The following CNTN4 variants were observed in gnomAD, a reference collection of about 807,000 sequenced individuals.
The protein encoded by CNTN4 is contactin-4.
A neutral mutation model predicts 122.5 loss-of-function variants in CNTN4; 77 were observed. That is an observed-to-expected ratio of 0.63 (90% CI 0.52 to 0.76). CNTN4 has a LOEUF of 0.76. Among genes scored for constraint, CNTN4 ranks in the 30% least tolerant of loss-of-function variants. CNTN4 has a pLI of 0.00. For missense variants in CNTN4, 1,256 were observed against 1,259.1 expected, an observed-to-expected ratio of 1.00 and a Z score of 0.04; for synonymous variants, 512 against 447.0, an observed-to-expected ratio of 1.15 and a Z score of -1.83.
intron 3 of CNTN4, among the ~76,000 whole-genome samples, chr3:2,521,453 C>T (rs2077216773): frequency 6.9e-6 from 1 of 145,862 alleles, no homozygotes; most frequent in South Asian, 2.2e-4. Flanking sequence ...TTTATAACTT[C>T]TAGATAAGGG....
intron 4 of CNTN4, among the ~76,000 whole-genome samples, chr3:2,598,046 C>T (rs564514366): frequency 8.2e-4 from 124 of 152,018 alleles, no homozygotes; most frequent in Non-Finnish European, 1.5e-3. Context: ...TTTTGTAATT[C>T]TTTTTTGCAG....
intron 2 of CNTN4, among the ~76,000 whole-genome samples, chr3:2,300,917 A>G (rs944178182): frequency 2.6e-5 from 4 of 152,102 alleles, no homozygotes; most frequent in African/African-American, 7.2e-5. Context: ...AACCTGGAAA[A>G]TAGCATGAAG....
Position 2,729,425 on chromosome 3 carries a change from T to G in CNTN4, c.56-6790T>G, listed in dbSNP as rs188331080. ...CCGGGCGTGGTGGCAGGCGCCTGTATTTCCAGCTACTCGGGAGGCTAAGCA... is the reference window on the plus strand; with the variant it reads ...CCGGGCGTGGTGGCAGGCGCCTGTAGTTCCAGCTACTCGGGAGGCTAAGCA... On this transcript the variant is annotated intron_variant, in intron 4 of 24. Coordinates refer to ENST00000418658, the MANE Select transcript of CNTN4 (RefSeq NM_175607.3). Among the ~76,000 whole-genome samples, 346 of 149,340 alleles carry G rather than the reference T, an allele frequency of 2.3e-3. 8 individuals are homozygous for G. Among genetic ancestry groups the G allele is most frequent in the African/African-American group, 8.4e-3 (332 of 39,600 alleles).
intron 8 of CNTN4, among the ~76,000 whole-genome samples, chr3:2,873,638 T>A (rs145336702): frequency 7.2e-5 from 11 of 152,324 alleles, no homozygotes; most frequent in African/African-American, 2.6e-4. Flanking sequence ...CTAATACTGC[T>A]CCATGCTACA....
At position 2,698,512 on chromosome 3, in the gene CNTN4, A is replaced by T. The variant is rs138600563; in HGVS notation, c.56-37703A>T. Among the ~76,000 whole-genome samples the T allele has an allele frequency of 9.3e-3, 1,418 of 152,234 alleles. 17 individuals carry two copies. Among genetic ancestry groups the T allele is most frequent in the African/African-American group, 0.032 (1,318 of 41,536 alleles). ...GCCTTGTACTTATTTTACAAATAGG[A>T]AGCTGTTCTCTGTGGTGATTAATTT... On this transcript the variant is annotated intron_variant, in intron 4 of 24. Transcript: ENST00000418658.
At chr3:2,358,732 C>T (rs796833101) in intron 3 of CNTN4, among the ~76,000 whole-genome samples, 17 of 152,160 alleles carry the variant, frequency 1.1e-4, no homozygotes, top group Non-Finnish European at 1.6e-4. Context: ...GCAGCTAAAA[C>T]GGTATTATTA....
At chr3:2,106,613 C>T (rs564890671) in intron 2 of CNTN4, among the ~76,000 whole-genome samples, 1 of 152,296 alleles carries the variant, frequency 6.6e-6, no homozygotes, top group Non-Finnish European at 1.5e-5. Flanking sequence ...CAGCAGGGAG[C>T]CCAGTGCCTT....
Position 2,176,893 on chromosome 3 carries a change from A to G in CNTN4, c.-145+76254A>G, listed in dbSNP as rs900502117. ...TTTCTGAATTTATAAGAATATTTTGAGAAACAACTTTCCTGTCAAATGGAA... is the reference window on the plus strand; with the variant it reads ...TTTCTGAATTTATAAGAATATTTTGGGAAACAACTTTCCTGTCAAATGGAA... On this transcript the variant is annotated intron_variant, in intron 2 of 24. Coordinates refer to ENST00000418658, the MANE Select transcript of CNTN4 (RefSeq NM_175607.3). Among the ~76,000 whole-genome samples the G allele has an allele frequency of 1.7e-4, 26 of 152,312 alleles. 1 individual carries two copies. Among genetic ancestry groups the G allele is most frequent in the African/African-American group, 6.3e-4 (26 of 41,572 alleles).
At chr3:2,106,881 C>T (rs1277425906) in intron 2 of CNTN4, among the ~76,000 whole-genome samples, 2 of 152,220 alleles carry the variant, frequency 1.3e-5, no homozygotes, top group Non-Finnish European at 2.9e-5. Context: ...GATCATCACA[C>T]TCAAGTTTAA....
intron 3 of CNTN4, among the ~76,000 whole-genome samples, chr3:2,410,635 A>G (rs547977041): frequency 1.4e-4 from 21 of 152,300 alleles, no homozygotes; most frequent in Non-Finnish European, 2.6e-4. Context: ...TGCGGTAGAA[A>G]GCCACAGGTA....
intron 4 of CNTN4, among the ~76,000 whole-genome samples, chr3:2,677,647 G>A (rs1303897378): frequency 6.6e-6 from 1 of 152,096 alleles, no homozygotes; most frequent in Non-Finnish European, 1.5e-5. Flanking sequence ...TTCATTGTGA[G>A]TTTTTGTTTT....
chr3:2,592,439 G>A (rs1199534558), intron 4 of CNTN4, among the ~76,000 whole-genome samples: 1 of 152,206 alleles, frequency 6.6e-6, no homozygotes, highest in East Asian at 1.9e-4. Flanking sequence ...ATCTCATCTT[G>A]TAGCTCCCAT....
At chr3:2,430,133 G>A (rs577013910) in intron 3 of CNTN4, among the ~76,000 whole-genome samples, 4 of 152,076 alleles carry the variant, frequency 2.6e-5, no homozygotes, top group Admixed American at 6.6e-5. Context: ...AGTTAGAAAT[G>A]CAGAAATTGG....
intron 5 of CNTN4, among the ~76,000 whole-genome samples, chr3:2,743,920 C>G (rs2089608737): frequency 6.6e-6 from 1 of 152,140 alleles, no homozygotes; most frequent in Admixed American, 6.6e-5. Context: ...AAGTGGTCCT[C>G]CCACCTCAGC....
At chr3:2,410,501 A>C (rs77036926) in intron 3 of CNTN4, among the ~76,000 whole-genome samples, 5,921 of 152,292 alleles carry the variant, frequency 0.039, 322 homozygotes, top group African/African-American at 0.12. Context: ...GTAAAATGGT[A>C]ATCCTCCATT....
rs551759840 is a variant in CNTN4, at chr3:2,366,772, A to G, written c.-89+27539A>G. On this transcript the variant is annotated intron_variant, in intron 3 of 24. Transcript: ENST00000418658. Reference sequence around the variant, plus strand: ...AGTAATAATAATAATAAATAAATAAATAAAAGGGAGTGGAAAAAAATCTAC... The same window carrying G: ...AGTAATAATAATAATAAATAAATAAGTAAAAGGGAGTGGAAAAAAATCTAC... Among the ~76,000 whole-genome samples, 6 of 151,146 alleles carry G rather than the reference A, an allele frequency of 4.0e-5. No individual in the cohort carries two copies. The South Asian group carries it at 6.2e-4, about 16-fold the overall frequency.
intron 3 of CNTN4, among the ~76,000 whole-genome samples, chr3:2,482,128 A>G (rs2076023528): frequency 6.6e-6 from 1 of 152,178 alleles, no homozygotes; most frequent in South Asian, 2.1e-4. Context: ...GAAAATTTGG[A>G]ACTTCCTAGA....
intron 3 of CNTN4, among the ~76,000 whole-genome samples, chr3:2,343,861 G>GTA (rs2044298400): frequency 2.0e-5 from 3 of 152,170 alleles, no homozygotes; most frequent in Admixed American, 2.0e-4. Flanking sequence ...TCTTCCAGCT[G>GTA]TACAAGAAGC....
At chr3:2,326,629 C>A (rs1054755468) in intron 2 of CNTN4, among the ~76,000 whole-genome samples, 3 of 152,108 alleles carry the variant, frequency 2.0e-5, no homozygotes, top group African/African-American at 7.2e-5. Flanking sequence ...ATCTCTATAA[C>A]TTCTTCAGTC....
Sources: allele counts gnomAD v4.1 joint callset (sites outside exome capture counted in the v4.1 genomes callset), GRCh38; gene constraint gnomAD v4.1.1; transcripts MANE v1.5; gene names NCBI Gene and HGNC (gene_info 2026-07-23, HGNC 2026-07-21).